The following UGGT2 variants were observed in gnomAD, a reference collection of about 807,000 sequenced individuals.
UGGT2 encodes the protein UDP-glucose glycoprotein glucosyltransferase 2, also known as UDP-glucose:glycoprotein glucosyltransferase 2.
A neutral mutation model predicts 192.1 loss-of-function variants in UGGT2; 180 were observed. The ratio of observed to expected loss-of-function variants is 0.94; its 90% CI spans 0.83 to 1.06. The LOEUF (loss-of-function observed/expected upper bound fraction) is 1.06, where lower values mean the gene tolerates loss of function less well. Ranked by LOEUF, UGGT2 falls within the 50% of genes least tolerant of loss-of-function variation. UGGT2 has a pLI of 0.00. For synonymous variants in UGGT2, 580 were observed against 591.0 expected, an observed-to-expected ratio of 0.98 and a Z score of 0.27; for missense variants, 1,849 against 1,795.7, an observed-to-expected ratio of 1.03 and a Z score of -0.54.
At chr13:95,886,656 T>C (rs2047654707) in intron 26 of UGGT2, among the ~76,000 whole-genome samples, 1 of 152,236 alleles carries the variant, frequency 6.6e-6, no homozygotes, top group Non-Finnish European at 1.5e-5. Flanking sequence ...GACAAGAGTC[T>C]TGAGGGACAA....
At chr13:95,927,436 A>G in intron 17 of UGGT2, 100 bp from the exon 18 acceptor site, 1 of 1,048,792 alleles carries the variant, frequency 9.5e-7, no homozygotes, top group South Asian at 2.2e-5. Flanking sequence ...AAAAATAAAT[A>G]AGCAATTTAG....
chr13:96,013,043 T>C (rs1453962846), intron 5 of UGGT2, among the ~76,000 whole-genome samples: 2 of 152,080 alleles, frequency 1.3e-5, no homozygotes, highest in East Asian at 1.9e-4. Flanking sequence ...TTAGCAAATA[T>C]TATACACATT....
chr13:95,892,566 T>C (rs953542833), intron 24 of UGGT2, among the ~76,000 whole-genome samples: 1 of 152,130 alleles, frequency 6.6e-6, no homozygotes, highest in Admixed American at 6.5e-5. Context: ...TACAGATATA[T>C]TGAACACATT....
intron 38 of UGGT2, among the ~76,000 whole-genome samples, chr13:95,810,924 A>G (rs374866680): frequency 3.3e-5 from 5 of 152,206 alleles, no homozygotes; most frequent in African/African-American, 1.2e-4. Context: ...AAAAGAAAAC[A>G]CAATTCAAAA....
intron 29 of UGGT2, among the ~76,000 whole-genome samples, chr13:95,871,659 C>T (rs1489672679): frequency 6.6e-6 from 1 of 152,152 alleles, no homozygotes; most frequent in Non-Finnish European, 1.5e-5. Flanking sequence ...CTGCTCTGAA[C>T]TAGAGTTTGT....
chr13:95,999,858 C>T (rs7336088), intron 5 of UGGT2, among the ~76,000 whole-genome samples: 59,084 of 151,982 alleles, frequency 0.39, 11,722 homozygotes, highest in Middle Eastern at 0.45. Context: ...CACAAATTAA[C>T]ATCTGTTCTT....
intron 5 of UGGT2, among the ~76,000 whole-genome samples, chr13:96,008,070 A>C (rs2052036246): frequency 6.6e-6 from 1 of 152,232 alleles, no homozygotes; most frequent in Admixed American, 6.5e-5. Flanking sequence ...TAAGACCCAA[A>C]ACTATGAAAC....
chr13:95,905,431 T>A (rs1364330600), intron 20 of UGGT2, among the ~76,000 whole-genome samples: 7 of 152,096 alleles, frequency 4.6e-5, no homozygotes, highest in Admixed American at 1.3e-4. Context: ...TGGTTTTAGG[T>A]CTAACGTTTA....
chr13:95,905,222 G>A (rs7328251), intron 20 of UGGT2, among the ~76,000 whole-genome samples: 125,235 of 148,232 alleles, frequency 0.84, 53,128 homozygotes, highest in East Asian at 0.93. Flanking sequence ...GTAGGTTGTG[G>A]AAATTTTCTC....
intron 20 of UGGT2, among the ~76,000 whole-genome samples, chr13:95,906,954 G>A (rs1266146885): frequency 6.6e-6 from 1 of 152,154 alleles, no homozygotes; most frequent in Non-Finnish European, 1.5e-5. Flanking sequence ...GCCCAGGCAG[G>A]GCATCGCCTC....
intron 5 of UGGT2, among the ~76,000 whole-genome samples, chr13:96,001,788 T>G (rs1385529494): frequency 6.6e-6 from 1 of 152,230 alleles, no homozygotes; most frequent in East Asian, 1.9e-4. Flanking sequence ...CCTTGCCACC[T>G]GAAACAGCAA....
At chr13:96,027,985 G>A (rs1238783292) in intron 2 of UGGT2, among the ~76,000 whole-genome samples, 1 of 152,120 alleles carries the variant, frequency 6.6e-6, no homozygotes, top group East Asian at 1.9e-4. Flanking sequence ...ACCACTACAG[G>A]TACTCTTCCT....
chr13:95,905,376 C>T (rs1031377027), intron 20 of UGGT2, among the ~76,000 whole-genome samples: 4 of 151,900 alleles, frequency 2.6e-5, no homozygotes, highest in African/African-American at 7.2e-5. Flanking sequence ...TTGCCCATGC[C>T]TATGTCCTGA....
chr13:95,904,757 T>A (rs898407889), intron 20 of UGGT2, among the ~76,000 whole-genome samples: 1 of 152,120 alleles, frequency 6.6e-6, no homozygotes, highest in Non-Finnish European at 1.5e-5. Context: ...AATAAACATA[T>A]GTGTGCATGT....
intron 6 of UGGT2, 92 bp from the exon 7 acceptor site, chr13:95,996,227 T>C (rs2051614994): frequency 8.6e-7 from 1 of 1,156,338 alleles, no homozygotes. Flanking sequence ...CTTGGCCAGG[T>C]GCGGCAGCTC....
At chr13:95,993,207 C>T (rs2051509672) in intron 7 of UGGT2, among the ~76,000 whole-genome samples, 1 of 152,026 alleles carries the variant, frequency 6.6e-6, no homozygotes, top group Non-Finnish European at 1.5e-5. Context: ...TATACACGAA[C>T]ATAAAGATGG....
intron 27 of UGGT2, among the ~76,000 whole-genome samples, chr13:95,881,099 G>A (rs1468506638): frequency 6.6e-6 from 1 of 152,166 alleles, no homozygotes; most frequent in Non-Finnish European, 1.5e-5. Context: ...GCATGAACCC[G>A]GGAGGCTGAG....
Position 96,034,084 on chromosome 13 carries a change from C to G in UGGT2, c.159-2113G>C, listed in dbSNP as rs547481158. ...GGACGAGTCAGCACACACTTACCCCCCTCTGAAGCCCATAAAAACCCCAGA... is the reference window on the plus strand; with the variant it reads ...GGACGAGTCAGCACACACTTACCCCGCTCTGAAGCCCATAAAAACCCCAGA... On this transcript the variant is annotated intron_variant, in intron 1 of 38. Transcript: ENST00000376747. Among the ~76,000 whole-genome samples the G allele has an allele frequency of 1.1e-4, 16 of 152,264 alleles. No homozygotes were observed. In the South Asian group the frequency reaches 1.7e-3, roughly 16 times the overall value.
chr13:95,863,282 A>G (rs954780582), intron 31 of UGGT2, among the ~76,000 whole-genome samples: 1 of 152,164 alleles, frequency 6.6e-6, no homozygotes, highest in Non-Finnish European at 1.5e-5. Flanking sequence ...AACATACCCA[A>G]TCATTTTGTC....
Sources: allele counts gnomAD v4.1 joint callset (sites outside exome capture counted in the v4.1 genomes callset), GRCh38; gene constraint gnomAD v4.1.1; transcripts MANE v1.5; gene names NCBI Gene and HGNC (gene_info 2026-07-23, HGNC 2026-07-21).